PPFIA2: variants seen among roughly 807,000 people sequenced by gnomAD.
The protein encoded by PPFIA2 is PPFI scaffold protein A2.
PPFIA2 carries 46 observed loss-of-function variants against 175.5 expected under a neutral mutation model. The ratio of observed to expected loss-of-function variants is 0.26; its 90% CI spans 0.21 to 0.34. The LOEUF is 0.34. PPFIA2 is among the 10% of genes least tolerant of loss of function. PPFIA2 has a pLI of 1.00. For missense variants in PPFIA2, 1,179 were observed against 1,506.1 expected (o/e 0.78, Z 3.60); for synonymous variants, 568 against 511.4 (o/e 1.11, Z -1.49).
At position 81,459,675 on chromosome 12, in the gene PPFIA2, G is replaced by A. The variant is rs545175960; in HGVS notation, c.304-1809C>T. On this transcript the variant is annotated intron_variant, in intron 4 of 32. Coordinates refer to ENST00000549396, the MANE Select transcript of PPFIA2 (RefSeq NM_003625.5). Reference sequence around the variant, plus strand: ...AAACAATCAAGTTTTTAAAGCAGAGGGGAGAAATTAGTGAAGATGTTATAG... The same window carrying A: ...AAACAATCAAGTTTTTAAAGCAGAGAGGAGAAATTAGTGAAGATGTTATAG... Among the ~76,000 whole-genome samples, 21 of 152,168 alleles carry A rather than the reference G, an allele frequency of 1.4e-4. No homozygotes were observed. The East Asian group carries it at 3.9e-3, about 28-fold the overall frequency.
intron 4 of PPFIA2, among the ~76,000 whole-genome samples, chr12:81,646,175 G>A (rs2066036088): frequency 6.6e-6 from 1 of 152,150 alleles, no homozygotes; most frequent in Non-Finnish European, 1.5e-5. Context: ...CTGCTACTGA[G>A]GGAGGAGTAA....
intron 9 of PPFIA2, among the ~76,000 whole-genome samples, chr12:81,383,347 T>C (rs1416894029): frequency 6.6e-6 from 1 of 152,134 alleles, no homozygotes; most frequent in African/African-American, 2.4e-5. Flanking sequence ...CAGTTGTGAC[T>C]GAAAAGGTGA....
intron 4 of PPFIA2, among the ~76,000 whole-genome samples, chr12:81,655,296 T>C (rs565864471): frequency 6.6e-6 from 1 of 151,958 alleles, no homozygotes; most frequent in Non-Finnish European, 1.5e-5. Context: ...ATATATTTTA[T>C]TAATTTCTGC....
At chr12:81,502,644 T>C (rs191082315) in intron 4 of PPFIA2, among the ~76,000 whole-genome samples, 8 of 152,332 alleles carry the variant, frequency 5.3e-5, no homozygotes, top group Admixed American at 4.6e-4. Context: ...GTACCCACTA[T>C]GTGCTAGGAA....
In PPFIA2 at chr12:81,439,163, C is replaced by T. The variant is rs565966479; in HGVS notation, c.645+809G>A. Among the ~76,000 whole-genome samples, 547 of 150,334 alleles carry T rather than the reference C, an allele frequency of 3.6e-3. 3 individuals are homozygous for T. The highest frequency in any genetic ancestry group is 0.012 in the African/African-American group (506 of 41,108). On this transcript the variant is annotated intron_variant, in intron 7 of 32. Coordinates refer to ENST00000549396, the MANE Select transcript of PPFIA2 (RefSeq NM_003625.5). Reference sequence around the variant, plus strand: ...AGGTTAAACTTCTCTCTCTCTCTCTCTCCCTCTCTCTCTCTCTCTCTCTAT... The same window carrying T: ...AGGTTAAACTTCTCTCTCTCTCTCTTTCCCTCTCTCTCTCTCTCTCTCTAT...
intron 4 of PPFIA2, among the ~76,000 whole-genome samples, chr12:81,560,503 C>T (rs2069822975): frequency 6.6e-6 from 1 of 152,230 alleles, no homozygotes; most frequent in South Asian, 2.1e-4. Flanking sequence ...GGATGACTTA[C>T]TTCTTTCATA....
chr12:81,474,774 T>C (rs903134656), intron 4 of PPFIA2, among the ~76,000 whole-genome samples: 8 of 152,202 alleles, frequency 5.3e-5, no homozygotes, highest in African/African-American at 1.9e-4. Context: ...TAAATGTTTT[T>C]CCATGAATTA....
chr12:81,755,549 T>G (rs1318828727), intron 2 of PPFIA2, among the ~76,000 whole-genome samples: 2 of 152,214 alleles, frequency 1.3e-5, no homozygotes, highest in African/African-American at 4.8e-5. Context: ...AATATTTAAT[T>G]ACTTTTTATG....
At chr12:81,712,144 T>G (rs2078019313) in intron 3 of PPFIA2, among the ~76,000 whole-genome samples, 1 of 151,302 alleles carries the variant, frequency 6.6e-6, no homozygotes, top group South Asian at 2.1e-4. Context: ...TTAGCACCAC[T>G]TTTTTAAAAA....
At chr12:81,656,005 G>A (rs1028735732) in intron 4 of PPFIA2, among the ~76,000 whole-genome samples, 3 of 151,868 alleles carry the variant, frequency 2.0e-5, no homozygotes, top group African/African-American at 7.2e-5. Flanking sequence ...AATATTGAAA[G>A]CTCTCTTTTT....
intron 4 of PPFIA2, among the ~76,000 whole-genome samples, chr12:81,591,295 T>C (rs897056104): frequency 6.6e-6 from 1 of 152,156 alleles, no homozygotes; most frequent in African/African-American, 2.4e-5. Flanking sequence ...TTGGGTGTTG[T>C]TAAAGGCACT....
chr12:81,392,534 T>A (rs1246600234), intron 8 of PPFIA2, among the ~76,000 whole-genome samples: 2 of 151,936 alleles, frequency 1.3e-5, no homozygotes, highest in East Asian at 3.9e-4. Flanking sequence ...TTTGTAGAAC[T>A]CTCTTCAATT....
At chr12:81,462,605 T>C (rs959321375) in intron 4 of PPFIA2, among the ~76,000 whole-genome samples, 1 of 118,114 alleles carries the variant, frequency 8.5e-6, no homozygotes. Context: ...TATATATATA[T>C]ATAATATAGC....
chr12:81,592,159 G>T (rs1207139099), intron 4 of PPFIA2, among the ~76,000 whole-genome samples: 1 of 152,134 alleles, frequency 6.6e-6, no homozygotes, highest in South Asian at 2.1e-4. Flanking sequence ...GGGGCCTGTA[G>T]TCCTTTTGTT....
chr12:81,327,669 G>T (rs2055104765), intron 21 of PPFIA2, among the ~76,000 whole-genome samples: 1 of 151,868 alleles, frequency 6.6e-6, no homozygotes, highest in Admixed American at 6.6e-5. Flanking sequence ...GATGAATCAG[G>T]CTTTTATTCT....
intron 4 of PPFIA2, among the ~76,000 whole-genome samples, chr12:81,627,655 G>A (rs1050338870): frequency 1.3e-5 from 2 of 152,052 alleles, no homozygotes; most frequent in African/African-American, 2.4e-5. Context: ...AAATTGAAAT[G>A]GAACTCTTTT....
intron 4 of PPFIA2, among the ~76,000 whole-genome samples, chr12:81,481,910 G>T (rs1389144081): frequency 6.6e-6 from 1 of 152,150 alleles, no homozygotes; most frequent in Non-Finnish European, 1.5e-5. Context: ...TTAAACTAAA[G>T]AGCTTCTGCA....
intron 4 of PPFIA2, among the ~76,000 whole-genome samples, chr12:81,608,105 T>C (rs988723099): frequency 6.6e-6 from 1 of 152,170 alleles, no homozygotes; most frequent in African/African-American, 2.4e-5. Flanking sequence ...TTTACTCATT[T>C]ACATATTTTG....
intron 21 of PPFIA2, among the ~76,000 whole-genome samples, chr12:81,336,043 A>G: frequency 6.6e-6 from 1 of 152,158 alleles, no homozygotes. Context: ...ACACTGATAC[A>G]CATTTCAGTT....
Sources: allele counts gnomAD v4.1 joint callset (sites outside exome capture counted in the v4.1 genomes callset), GRCh38; gene constraint gnomAD v4.1.1; transcripts MANE v1.5; gene names NCBI Gene and HGNC (gene_info 2026-07-23, HGNC 2026-07-21).